The following SH3BP2 variants were observed in gnomAD, a reference collection of about 807,000 sequenced individuals.
SH3BP2 encodes the protein SH3 domain-binding protein 2.
Under a neutral mutation model 56.2 loss-of-function variants are expected in SH3BP2, and 38 were observed. The observed-to-expected ratio is 0.68, with a 90% CI of 0.52 to 0.89. SH3BP2 has a LOEUF of 0.89. SH3BP2 is among the 40% of genes least tolerant of loss of function. The probability of loss-of-function intolerance (pLI) is 0.00; values close to 1 mark genes in which losing one functional copy is unlikely to be tolerated. For synonymous variants in SH3BP2, 346 were observed against 316.7 expected (o/e 1.09, Z -0.98); for missense variants, 748 against 762.6 (o/e 0.98, Z 0.23).
chr4:2,827,340 A>G, intron 6 of SH3BP2, 22 bp downstream of exon 6: 1 of 1,607,134 alleles, frequency 6.2e-7, no homozygotes, highest in South Asian at 1.1e-5. Flanking sequence ...CTCCGCATCC[A>G]CTGCCCGTTT....
intron 1 of SH3BP2, among the ~76,000 whole-genome samples, chr4:2,802,827 G>A (rs1291779285): frequency 6.6e-6 from 1 of 152,182 alleles, no homozygotes; most frequent in African/African-American, 2.4e-5. Context: ...ACCCTGTTGT[G>A]CTGACTCAGC....
chr4:2,800,616 G>A (rs1250230002), intron 1 of SH3BP2, among the ~76,000 whole-genome samples: 1 of 152,102 alleles, frequency 6.6e-6, no homozygotes, highest in East Asian at 1.9e-4. Flanking sequence ...GGCTGTCTCG[G>A]GCTCCCGTGC....
At chr4:2,804,419 G>C (rs1723446052) in intron 1 of SH3BP2, among the ~76,000 whole-genome samples, 2 of 152,206 alleles carry the variant, frequency 1.3e-5, no homozygotes, top group African/African-American at 2.4e-5. Flanking sequence ...GGACCCAAAA[G>C]GGGGCTGTGG....
At chr4:2,801,216 C>T (rs2108699703) in intron 1 of SH3BP2, among the ~76,000 whole-genome samples, 1 of 151,730 alleles carries the variant, frequency 6.6e-6, no homozygotes, top group Admixed American at 6.6e-5. Flanking sequence ...GACCCTTGTC[C>T]TCACTGGGCC....
chr4:2,816,798 T>G (rs1724021568), intron 1 of SH3BP2, among the ~76,000 whole-genome samples: 1 of 152,262 alleles, frequency 6.6e-6, no homozygotes. Flanking sequence ...ATGGTCTTGG[T>G]GTAGAATCCC....
At chr4:2,818,399 C>T in intron 1 of SH3BP2, 6 of 1,171,754 alleles carry the variant, frequency 5.1e-6, no homozygotes, top group South Asian at 8.4e-5. Flanking sequence ...CCGTGAGTAC[C>T]GAGCCCCGGC....
chr4:2,810,969 G>T lies in SH3BP2; in HGVS notation c.-4-9645G>T, dbSNP rs1237436869. Among the ~76,000 whole-genome samples the T allele has an allele frequency of 6.6e-6, 1 of 152,178 alleles. No homozygotes were observed. The highest frequency in any genetic ancestry group is 1.5e-5 in the Non-Finnish European group (1 of 68,042). Reference sequence around the variant, plus strand: ...TGGCCAGCCTTCTGCTGAAGGTGTGGTCTGCCCTTGGCCACCTGAGGGGAC... The same window carrying T: ...TGGCCAGCCTTCTGCTGAAGGTGTGTTCTGCCCTTGGCCACCTGAGGGGAC... On this transcript the variant is annotated intron_variant, in intron 1 of 12. Transcript: ENST00000503393. This position sits in a 1 kb window ranked among gnomAD's most constrained non-coding sequence, Gnocchi z 4.2.
intron 1 of SH3BP2, chr4:2,818,293 G>GC: frequency 9.5e-7 from 1 of 1,052,988 alleles, no homozygotes; most frequent in South Asian, 4.4e-5. Flanking sequence ...CGAGGCGGCG[G>GC]CGGCCGGGGG....
intron 3 of SH3BP2, 26 bp from the exon 4 acceptor site, chr4:2,824,587 C>T (rs759444179): frequency 2.2e-5 from 34 of 1,570,616 alleles, no homozygotes; most frequent in Non-Finnish European, 2.7e-5. Flanking sequence ...TGAACCAGGC[C>T]GTGACCCCTG....
At chr4:2,811,050 C>T (rs765471029) in intron 1 of SH3BP2, among the ~76,000 whole-genome samples, 1 of 152,206 alleles carries the variant, frequency 6.6e-6, no homozygotes, top group Admixed American at 6.5e-5. Flanking sequence ...TAAGGAGGCC[C>T]CAGACCTAAA....
At chr4:2,807,722 C>A (rs1021751974) in intron 1 of SH3BP2, among the ~76,000 whole-genome samples, 4 of 152,154 alleles carry the variant, frequency 2.6e-5, no homozygotes, top group Non-Finnish European at 5.9e-5. Flanking sequence ...GCTGCTGCGC[C>A]GTGGTGAATG....
At chr4:2,805,990 C>T (rs532016073) in intron 1 of SH3BP2, among the ~76,000 whole-genome samples, 92 of 152,312 alleles carry the variant, frequency 6.0e-4, no homozygotes, top group South Asian at 3.9e-3. Context: ...CACGGCCGGA[C>T]GCTGAGCTGG....
intron 2 of SH3BP2, among the ~76,000 whole-genome samples, chr4:2,821,162 C>T (rs936556233): frequency 2.0e-5 from 3 of 152,222 alleles, no homozygotes; most frequent in Non-Finnish European, 2.9e-5. Flanking sequence ...AAGACCCAGG[C>T]TCTGGCCCCC....
chr4:2,805,913 T>C (rs185745292), intron 1 of SH3BP2, among the ~76,000 whole-genome samples: 14 of 152,306 alleles, frequency 9.2e-5, no homozygotes, highest in African/African-American at 3.4e-4. Flanking sequence ...AATGTGGCTC[T>C]GTCTGTGCCA....
Position 2,831,953 on chromosome 4 carries a change from A to G in SH3BP2, c.1381A>G (p.Thr461Ala). The change falls in exon 10 of 13, where the codon ACC (threonine) becomes GCC (alanine). Residue 461 changes from threonine to alanine, a missense_variant. By Grantham distance (58) the Thr-to-Ala change is moderately conservative (BLOSUM62 0). Coordinates refer to ENST00000503393, the MANE Select transcript of SH3BP2 (RefSeq NM_001122681.2). The surrounding 1 kb of genome is among the most constrained non-coding windows in gnomAD (Gnocchi z 4.1). ...ACTGCCCAACTCGGTCTTCGTCAAC[A>G]CCACGGAGTCCTGCGAAGTGGAAAG... ...VPLPNSVFVN[T>A]TESCEVERLF... 1 of 1,613,018 alleles carries G rather than the reference A, an allele frequency of 6.2e-7. No individual in the cohort carries two copies. Among genetic ancestry groups the G allele is most frequent in the East Asian group, 2.2e-5 (1 of 44,878 alleles).
rs767859931 is a variant in SH3BP2 at position 2,831,552 on chromosome 4, C to T, written c.1242-19C>T. On this transcript the variant is annotated intron_variant, in intron 8 of 12. Coordinates refer to ENST00000503393, the MANE Select transcript of SH3BP2 (RefSeq NM_001122681.2). This position sits in a 1 kb window ranked among gnomAD's most constrained non-coding sequence, Gnocchi z 4.1. ...TCTGACAGTGAAATGGTCCTGCCTT[C>T]CTCTCCCTGCCCCTCCAGGCGATCA... is the stretch of plus-strand genomic sequence containing the variant. 1.3e-6 allele frequency: 2 copies of T among 1,548,548 alleles called. No individual in the cohort carries two copies. Among genetic ancestry groups the T allele is most frequent in the African/African-American group, 1.4e-5 (1 of 73,216 alleles).
intron 1 of SH3BP2, among the ~76,000 whole-genome samples, chr4:2,801,359 T>C (rs931603161): frequency 6.6e-6 from 1 of 152,196 alleles, no homozygotes; most frequent in Admixed American, 6.5e-5. Context: ...GCCCCGAGGC[T>C]CTGGGGTTCC....
Position 2,840,447 on chromosome 4 carries a change from T to C in SH3BP2, c.*6613T>C, listed in dbSNP as rs1725384251. The stretch of plus-strand genomic sequence containing the variant: ...TAGGGTTACACACCTGTCCTATCAT[T>C]GTTTGTAATCTAACTTTCTGCGCCC... On this transcript the variant is annotated 3_prime_UTR_variant, in exon 13 of 13. Coordinates refer to ENST00000503393, the MANE Select transcript of SH3BP2 (RefSeq NM_001122681.2). 6.6e-6 allele frequency: 1 copy of C among 152,116 alleles called. No homozygotes were observed. Among genetic ancestry groups the C allele is most frequent in the Non-Finnish European group, 1.5e-5 (1 of 68,018 alleles). The allele number at this position is 152,116 out of a possible 1,614,324, so 9.4% of individuals were successfully genotyped here. A position where few individuals can be genotyped will look rare whatever the true frequency, so the allele number is the denominator to read the frequency against.
intron 1 of SH3BP2, among the ~76,000 whole-genome samples, chr4:2,819,466 G>T (rs1377530401): frequency 6.6e-6 from 1 of 152,142 alleles, no homozygotes; most frequent in Non-Finnish European, 1.5e-5. Flanking sequence ...GTTTTTTGGG[G>T]TTGGAGCTGT....
Sources: allele counts gnomAD v4.1 joint callset (sites outside exome capture counted in the v4.1 genomes callset), GRCh38; gene constraint gnomAD v4.1.1; non-coding constraint Gnocchi (gnomAD v3.1); transcripts MANE v1.5; gene names NCBI Gene and HGNC (gene_info 2026-07-23, HGNC 2026-07-21).